Variants in VAV2 observed in about 807,000 individuals in gnomAD.
The protein encoded by VAV2 is vav guanine nucleotide exchange factor 2.
A neutral mutation model predicts 132.5 loss-of-function variants in VAV2; 67 were observed. The observed-to-expected ratio is 0.51, with a 90% CI of 0.42 to 0.62. The LOEUF (loss-of-function observed/expected upper bound fraction) is 0.62. VAV2 is among the 20% of genes least tolerant of loss of function. The pLI is 0.00. For missense variants in VAV2, 938 were observed against 1,153.6 expected (o/e 0.81, Z 2.71); for synonymous variants, 492 against 443.5 (o/e 1.11, Z -1.37).
intron 23 of VAV2, among the ~76,000 whole-genome samples, chr9:133,776,307 G>A (rs1041828335): frequency 2.0e-5 from 3 of 152,204 alleles, no homozygotes; most frequent in Admixed American, 6.5e-5. Context: ...AACAGATGTC[G>A]GCATAGCCAC....
rs541221921 is a variant in VAV2 at position 133,826,281 on chromosome 9, G to C, written c.449+7991C>G. Among the ~76,000 whole-genome samples the C allele has an allele frequency of 6.6e-6, 1 of 152,146 alleles. No homozygotes were observed. The highest frequency in any genetic ancestry group is 1.5e-5 in the Non-Finnish European group (1 of 68,024). ...GCTAGACCTTGGGCCCTGGTGACCC[G>C]CCACACTAAAGCAGCCAGCAGCTGC... On this transcript the variant is annotated intron_variant, in intron 4 of 29. Coordinates refer to ENST00000371850, the MANE Select transcript of VAV2 (RefSeq NM_001134398.2). This position sits in a 1 kb window ranked among gnomAD's most constrained non-coding sequence, Gnocchi z 4.2.
In VAV2 at chr9:133,791,864, C is replaced by A; in HGVS notation, c.1107G>T (p.Leu369Phe). The A allele has an allele frequency of 6.3e-7, 1 of 1,598,424 alleles. No individual in the cohort carries two copies. Among genetic ancestry groups the A allele is most frequent in the African/African-American group, 1.4e-5 (1 of 70,832 alleles). The change falls in exon 13 of 30, where the codon TTG (leucine) becomes TTT (phenylalanine). Residue 369 changes from leucine (L) to phenylalanine (F), a missense_variant. Transcript: ENST00000371850. ...GTTTAACTTCATTGATGTACATCGCCAAGTCCTTGAAAACAAGAGGCAGAG... is the reference window on the plus strand; with the variant it reads ...GTTTAACTTCATTGATGTACATCGCAAAGTCCTTGAAAACAAGAGGCAGAG... ...LKEALEAMQD[L>F]AMYINEVKRD...
rs1840190936 is a variant in VAV2 at position 133,918,739 on chromosome 9, C to T, written c.321+20364G>A. Among the ~76,000 whole-genome samples, 1 of 150,826 alleles carries T rather than the reference C, an allele frequency of 6.6e-6. No individual in the cohort carries two copies. Among genetic ancestry groups the T allele is most frequent in the South Asian group, 2.1e-4 (1 of 4,806 alleles). On this transcript the variant is annotated intron_variant, in intron 2 of 29. Transcript: ENST00000371850. The surrounding 1 kb of genome is among the most constrained non-coding windows in gnomAD (Gnocchi z 4.7). ...CTCAACCCCTGGGCTCCTAAGCCTC[C>T]CAAGAAGCAGCCGCCATGTGTGTGT... is the stretch of plus-strand genomic sequence containing the variant.
intron 1 of VAV2, among the ~76,000 whole-genome samples, chr9:133,949,560 C>T (rs981427932): frequency 1.3e-5 from 2 of 152,228 alleles, no homozygotes; most frequent in Non-Finnish European, 2.9e-5. Context: ...CTCCTCTGTA[C>T]CTGCCCCCTC....
At chr9:133,776,171 C>T (rs963009879) in intron 23 of VAV2, 91 bp from the exon 24 acceptor site, 2 of 1,531,856 alleles carry the variant, frequency 1.3e-6, no homozygotes, top group Admixed American at 3.6e-5. Context: ...CTGCCCTGTC[C>T]CCACATTGGC....
chr9:133,795,765 T>C, intron 11 of VAV2, 29 bp from the exon 12 acceptor site: 2 of 1,609,762 alleles, frequency 1.2e-6, no homozygotes, highest in Non-Finnish European at 8.5e-7. Context: ...TGTCATGTGT[T>C]ACCACTCGGG....
In VAV2 at chr9:133,992,236, T is replaced by C. The variant is rs751150439; in HGVS notation, c.43A>G (p.Lys15Glu). The change falls in exon 1 of 30, where the codon AAG becomes GAG. Residue 15 changes from lysine to glutamate, a missense_variant. Lys to Glu is a moderately conservative substitution (Grantham distance 56). Transcript: ENST00000371850. This position sits in a 1 kb window ranked among gnomAD's most constrained non-coding sequence, Gnocchi z 5.5. ...RQCGRWLIDC[K>E]VLPPNHRVVW... Reference sequence around the variant, plus strand: ...ACCCGGTGGTTGGGCGGCAGGACCTTGCAATCGATGAGCCAGCGGCCGCAC... The same window carrying C: ...ACCCGGTGGTTGGGCGGCAGGACCTCGCAATCGATGAGCCAGCGGCCGCAC... 5.0e-6 allele frequency: 8 copies of C among 1,586,716 alleles called. No homozygotes were observed. The highest frequency in any genetic ancestry group is 6.0e-6 in the Non-Finnish European group (7 of 1,167,442).
chr9:133,952,907 C>T (rs1172703733), intron 1 of VAV2, among the ~76,000 whole-genome samples: 2 of 149,318 alleles, frequency 1.3e-5, no homozygotes, highest in East Asian at 2.0e-4. Flanking sequence ...GCCCCACTGA[C>T]ACCTAGAACC....
In VAV2 at chr9:133,846,283, G is replaced by A. The variant is rs536042837; in HGVS notation, c.381-11943C>T. On this transcript the variant is annotated intron_variant, in intron 3 of 29. Coordinates refer to ENST00000371850, the MANE Select transcript of VAV2 (RefSeq NM_001134398.2). ...ATCGCAAGGGACTGACCACACCAAA[G>A]GGCCTGGGTGTCACCCCTGGCACCT... Among the ~76,000 whole-genome samples, 13 of 152,256 alleles carry A rather than the reference G, an allele frequency of 8.5e-5. No individual in the cohort carries two copies. The East Asian group carries it at 2.5e-3, about 29-fold the overall frequency.
intron 2 of VAV2, among the ~76,000 whole-genome samples, chr9:133,897,065 G>A (rs1201186648): frequency 3.3e-5 from 5 of 152,190 alleles, no homozygotes; most frequent in Non-Finnish European, 5.9e-5. Flanking sequence ...CTGCACTCCA[G>A]CCTGGGCGAC....
chr9:133,797,429 A>AG, intron 10 of VAV2, among the ~76,000 whole-genome samples: 1 of 152,266 alleles, frequency 6.6e-6, no homozygotes, highest in Middle Eastern at 3.4e-3. Context: ...GGCCAGGATC[A>AG]GGGGTCAGCC....
intron 4 of VAV2, among the ~76,000 whole-genome samples, chr9:133,817,088 T>C (rs762343268): frequency 5.9e-5 from 9 of 152,256 alleles, no homozygotes; most frequent in Non-Finnish European, 1.3e-4. Flanking sequence ...AACTGCCATC[T>C]TAACGATAAC....
At chr9:133,900,366 G>A (rs937565027) in intron 2 of VAV2, among the ~76,000 whole-genome samples, 2 of 152,124 alleles carry the variant, frequency 1.3e-5, no homozygotes, top group South Asian at 2.1e-4. Context: ...CCTGGAGCTG[G>A]CCATAGAAAC....
intron 1 of VAV2, among the ~76,000 whole-genome samples, chr9:133,990,893 T>A (rs1842993255): frequency 6.6e-6 from 1 of 152,004 alleles, no homozygotes; most frequent in African/African-American, 2.4e-5. Context: ...CATTACCCAG[T>A]GGGAAGGCGG....
chr9:133,893,173 C>A (rs923418649), intron 2 of VAV2, among the ~76,000 whole-genome samples: 3 of 152,186 alleles, frequency 2.0e-5, no homozygotes, highest in African/African-American at 7.2e-5. Flanking sequence ...ACTCCTCTTG[C>A]CACCCTCCCA....
chr9:133,952,359 T>C (rs759453667), intron 1 of VAV2, among the ~76,000 whole-genome samples: 25 of 152,112 alleles, frequency 1.6e-4, no homozygotes, highest in Admixed American at 2.6e-4. Context: ...GTCCCAGCAC[T>C]TTGGGAGGCC....
At chr9:133,895,665 T>A (rs1050543423) in intron 2 of VAV2, among the ~76,000 whole-genome samples, 1 of 152,108 alleles carries the variant, frequency 6.6e-6, no homozygotes, top group Non-Finnish European at 1.5e-5. Context: ...GAGGAGTTAC[T>A]GCTAATGGGT....
chr9:133,985,763 A>G (rs943125207), intron 1 of VAV2, among the ~76,000 whole-genome samples: 14 of 152,228 alleles, frequency 9.2e-5, no homozygotes, highest in African/African-American at 3.4e-4. Context: ...CAGCTCGAAG[A>G]ATGATGAGGA....
intron 1 of VAV2, among the ~76,000 whole-genome samples, chr9:133,955,437 A>C (rs1021018083): frequency 9.0e-3 from 131 of 14,634 alleles, no homozygotes; most frequent in Middle Eastern, 0.05. Flanking sequence ...GCTTCTCCCC[A>C]CTCTCCCCAT....
Sources: allele counts gnomAD v4.1 joint callset (sites outside exome capture counted in the v4.1 genomes callset), GRCh38; gene constraint gnomAD v4.1.1; non-coding constraint Gnocchi (gnomAD v3.1); transcripts MANE v1.5; gene names NCBI Gene and HGNC (gene_info 2026-07-23, HGNC 2026-07-21).